Variants in GALNTL6 observed in about 807,000 individuals in gnomAD.
GALNTL6 encodes the protein polypeptide N-acetylgalactosaminyltransferase like 6, also known as polypeptide N-acetylgalactosaminyltransferase-like 6.
GALNTL6 carries 46 observed loss-of-function variants against 73.7 expected under a neutral mutation model. The observed-to-expected ratio is 0.62, with a 90% confidence interval of 0.49 to 0.80. GALNTL6 has a LOEUF of 0.80. Among genes scored for constraint, GALNTL6 ranks in the 30% least tolerant of loss-of-function variants. GALNTL6 has a pLI of 0.00. For synonymous variants in GALNTL6, 259 were observed against 263.7 expected (o/e 0.98, Z 0.17); for missense variants, 604 against 755.0 (o/e 0.80, Z 2.34).
chr4:172,335,044 G>T (rs147842737), intron 4 of GALNTL6, among the ~76,000 whole-genome samples: 1 of 150,270 alleles, frequency 6.7e-6, no homozygotes, highest in South Asian at 2.1e-4. Flanking sequence ...GCAGTGGCAC[G>T]ATCTCTGCCC....
chr4:172,952,285 G>C, intron 10 of GALNTL6, 27 bp downstream of exon 10: 1 of 1,547,770 alleles, frequency 6.5e-7, no homozygotes. Flanking sequence ...TGAAACCTGC[G>C]CCTACCTATG....
At chr4:171,883,406 C>T (rs1736512524) in intron 2 of GALNTL6, among the ~76,000 whole-genome samples, 1 of 151,968 alleles carries the variant, frequency 6.6e-6, no homozygotes, top group Non-Finnish European at 1.5e-5. Flanking sequence ...GGACAGGGAA[C>T]ATGTCTTTTT....
intron 3 of GALNTL6, among the ~76,000 whole-genome samples, chr4:172,311,094 T>C (rs1260545039): frequency 6.6e-6 from 1 of 152,122 alleles, no homozygotes; most frequent in East Asian, 1.9e-4. Context: ...TCAAAACTGT[T>C]ATATGTACTT....
chr4:171,844,548 A>G (rs1429277012), intron 2 of GALNTL6, among the ~76,000 whole-genome samples: 2 of 152,126 alleles, frequency 1.3e-5, no homozygotes, highest in African/African-American at 2.4e-5. Flanking sequence ...GAGGTTTGGA[A>G]GAGCTTTAGA....
At chr4:172,783,368 TA>T (rs1180392195) in intron 5 of GALNTL6, among the ~76,000 whole-genome samples, 80 of 147,672 alleles carry the variant, frequency 5.4e-4, no homozygotes, top group African/African-American at 1.8e-3. Flanking sequence ...AATAGTGTAT[TA>T]ATAATATTAT....
At chr4:172,446,668 C>A (rs1030944892) in intron 5 of GALNTL6, among the ~76,000 whole-genome samples, 1 of 152,010 alleles carries the variant, frequency 6.6e-6, no homozygotes, top group African/African-American at 2.4e-5. Context: ...ATGGACCTCA[C>A]CATATGATGA....
At chr4:172,708,482 G>T (rs1734499599) in intron 5 of GALNTL6, among the ~76,000 whole-genome samples, 1 of 152,172 alleles carries the variant, frequency 6.6e-6, no homozygotes, top group Non-Finnish European at 1.5e-5. Flanking sequence ...AATAGACTGG[G>T]TTCACATTTC....
At chr4:172,821,911 C>T (rs1353251793) in intron 7 of GALNTL6, among the ~76,000 whole-genome samples, 2 of 152,020 alleles carry the variant, frequency 1.3e-5, no homozygotes, top group Admixed American at 6.6e-5. Flanking sequence ...CTTTTGAAGC[C>T]CCCTCCCCCA....
At chr4:171,825,862 A>G (rs1392407244) in intron 2 of GALNTL6, among the ~76,000 whole-genome samples, 1 of 152,140 alleles carries the variant, frequency 6.6e-6, no homozygotes, top group Non-Finnish European at 1.5e-5. Context: ...GTTGAACATC[A>G]CCGTGTTTCC....
chr4:172,393,144 T>G (rs1743725063), intron 5 of GALNTL6, among the ~76,000 whole-genome samples: 2 of 152,280 alleles, frequency 1.3e-5, no homozygotes, highest in South Asian at 4.1e-4. Flanking sequence ...TTGTCTTCCA[T>G]GAAACTGAGC....
chr4:172,521,979 C>T (rs1734788726), intron 5 of GALNTL6, among the ~76,000 whole-genome samples: 1 of 152,038 alleles, frequency 6.6e-6, no homozygotes, highest in Admixed American at 6.6e-5. Context: ...TTAATATCCC[C>T]CCAAAAGGAC....
intron 7 of GALNTL6, among the ~76,000 whole-genome samples, chr4:172,860,294 T>A (rs768140240): frequency 6.6e-6 from 1 of 152,228 alleles, no homozygotes; most frequent in Non-Finnish European, 1.5e-5. Context: ...GAATATAGAA[T>A]TCATATTTTA....
At chr4:173,016,658 A>G (rs1422035029) in intron 11 of GALNTL6, among the ~76,000 whole-genome samples, 4 of 152,118 alleles carry the variant, frequency 2.6e-5, no homozygotes, top group Non-Finnish European at 5.9e-5. Context: ...ACCAACTTGC[A>G]TTTGATTTTA....
In GALNTL6 at chr4:172,193,601, G is replaced by T. The variant is rs533995422; in HGVS notation, c.139-36055G>T. On this transcript the variant is annotated intron_variant, in intron 2 of 12. Transcript: ENST00000506823. ...TAATTGGCCGGGCGTGGTGGCTCAT[G>T]CCTGTAATCCCAGCACTTTGGGAGG... is the stretch of plus-strand genomic sequence containing the variant. Among the ~76,000 whole-genome samples the T allele has an allele frequency of 7.9e-5, 12 of 152,318 alleles. No homozygotes were observed. In the East Asian group the frequency reaches 2.3e-3, roughly 29 times the overall value.
At chr4:172,006,479 C>G (rs570707068) in intron 2 of GALNTL6, among the ~76,000 whole-genome samples, 66 of 151,890 alleles carry the variant, frequency 4.3e-4, no homozygotes, top group African/African-American at 1.6e-3. Flanking sequence ...AAATAGAAAG[C>G]TAGCCAAGGT....
intron 2 of GALNTL6, among the ~76,000 whole-genome samples, chr4:171,905,800 A>T (rs1737257975): frequency 6.6e-6 from 1 of 151,848 alleles, no homozygotes; most frequent in Non-Finnish European, 1.5e-5. Flanking sequence ...TATCTCTCAG[A>T]CCACAGTGCA....
intron 2 of GALNTL6, among the ~76,000 whole-genome samples, chr4:172,145,232 T>G (rs934496292): frequency 6.6e-6 from 1 of 151,976 alleles, no homozygotes; most frequent in Non-Finnish European, 1.5e-5. Context: ...CTCCACCTCC[T>G]GGGTTCACGC....
At chr4:172,040,018 G>C (rs904872158) in intron 2 of GALNTL6, among the ~76,000 whole-genome samples, 7 of 152,032 alleles carry the variant, frequency 4.6e-5, no homozygotes, top group Admixed American at 1.3e-4. Flanking sequence ...AAAAATGTTA[G>C]TCCTATGGAA....
At chr4:172,077,392 G>A (rs1334769181) in intron 2 of GALNTL6, among the ~76,000 whole-genome samples, 1 of 152,088 alleles carries the variant, frequency 6.6e-6, no homozygotes, top group African/African-American at 2.4e-5. Flanking sequence ...ACAGGCTGAG[G>A]TGATCTCGGA....
Sources: allele counts gnomAD v4.1 joint callset (sites outside exome capture counted in the v4.1 genomes callset), GRCh38; gene constraint gnomAD v4.1.1; transcripts MANE v1.5; gene names NCBI Gene and HGNC (gene_info 2026-07-23, HGNC 2026-07-21).